FRY: variants seen among roughly 807,000 people sequenced by gnomAD.
The protein encoded by FRY is FRY microtubule binding protein.
FRY carries 128 observed loss-of-function variants against 348.4 expected under a neutral mutation model. The observed-to-expected ratio is 0.37, with a 90% CI of 0.32 to 0.43. The LOEUF is 0.43. Among genes scored for constraint, FRY ranks in the 20% least tolerant of loss-of-function variants. The pLI is 1.00. For missense variants in FRY, 2,736 were observed against 3,695.2 expected (o/e 0.74, Z 6.73); for synonymous variants, 1,370 against 1,374.7 (o/e 1.00, Z 0.08).
At chr13:32,189,823 G>C (rs749023919) in intron 28 of FRY, among the ~76,000 whole-genome samples, 1 of 151,928 alleles carries the variant, frequency 6.6e-6, no homozygotes, top group Non-Finnish European at 1.5e-5. Flanking sequence ...AATAAAACAA[G>C]AAAAGGTTGT....
chr13:32,124,976 G>C (rs1162728258), intron 7 of FRY, 101 bp downstream of exon 7: 5 of 842,364 alleles, frequency 5.9e-6, no homozygotes, highest in Admixed American at 5.2e-5. Context: ...CAAGGAACTA[G>C]GTAGGGCTCT....
Position 32,138,869 on chromosome 13 carries a change from C to T in FRY, c.1179+1897C>T, listed in dbSNP as rs191983587. Among the ~76,000 whole-genome samples the T allele has an allele frequency of 1.3e-4, 20 of 152,186 alleles. No homozygotes were observed. In the South Asian group the frequency reaches 3.7e-3, roughly 28 times the overall value. ...GGATATGTAATGAAGTTTCAAAATG[C>T]GTGATGCAGACAGTGAAGGATGTAA... is the stretch of plus-strand genomic sequence containing the variant. On this transcript the variant is annotated intron_variant, in intron 11 of 60. Transcript: ENST00000542859.
chr13:32,291,478 T>A (rs1889358679), intron 59 of FRY, among the ~76,000 whole-genome samples: 1 of 151,974 alleles, frequency 6.6e-6, no homozygotes, highest in African/African-American at 2.4e-5. Context: ...CAATCTCAGC[T>A]TACCGCAACC....
chr13:32,043,982 G>T (rs1361967996), intron 1 of FRY, among the ~76,000 whole-genome samples: 1 of 152,094 alleles, frequency 6.6e-6, no homozygotes, highest in African/African-American at 2.4e-5. Flanking sequence ...AGTGCTTGAG[G>T]CCAGGAGTTT....
intron 58 of FRY, among the ~76,000 whole-genome samples, chr13:32,281,693 G>C (rs1888812402): frequency 6.6e-6 from 1 of 152,216 alleles, no homozygotes. Flanking sequence ...TGAGGAAGAT[G>C]CTTCCAGGCC....
At position 32,185,998 on chromosome 13, in the gene FRY, G is replaced by GA. The variant is rs1486452068; in HGVS notation, c.3320-255dup. Among the ~76,000 whole-genome samples, 5 of 152,248 alleles carry GA rather than the reference G, an allele frequency of 3.3e-5. No homozygotes were observed. The East Asian group carries it at 7.7e-4, about 24-fold the overall frequency. On this transcript the variant is annotated intron_variant, in intron 26 of 60. Transcript: ENST00000542859. ...TTGCAGTTTTCCCAGGTATTGATTA[G>GA]AAAAAAATCTCTGCAGGTCCTATTT... is the stretch of plus-strand genomic sequence containing the variant.
intron 1 of FRY, among the ~76,000 whole-genome samples, chr13:32,035,832 A>G (rs1872485007): frequency 1.3e-5 from 2 of 152,236 alleles, no homozygotes; most frequent in Admixed American, 1.3e-4. Context: ...TCTTTGCAGT[A>G]GGAAGGTGTT....
intron 59 of FRY, among the ~76,000 whole-genome samples, chr13:32,293,980 A>G (rs1452885310): frequency 1.3e-5 from 2 of 152,234 alleles, no homozygotes. Context: ...CGAGGCACAT[A>G]AAAGTCAGTT....
At chr13:32,291,249 T>C (rs1889339508) in intron 59 of FRY, among the ~76,000 whole-genome samples, 2 of 152,170 alleles carry the variant, frequency 1.3e-5, no homozygotes, top group African/African-American at 4.8e-5. Context: ...GAAAAAACTA[T>C]ACGACTTTAT....
intron 1 of FRY, among the ~76,000 whole-genome samples, chr13:32,063,813 T>A (rs1432084075): frequency 6.6e-6 from 1 of 152,224 alleles, no homozygotes; most frequent in Non-Finnish European, 1.5e-5. Flanking sequence ...CTCCTGAGCA[T>A]AATTGGCGCT....
chr13:32,175,502 G>A (rs903320336), intron 19 of FRY, 44 bp from the exon 20 acceptor site: 1 of 1,170,442 alleles, frequency 8.5e-7, no homozygotes, highest in Admixed American at 1.7e-5. Context: ...TGGGTGGGGA[G>A]GATTCATTTT....
Position 32,202,366 on chromosome 13 carries a change from C to T in FRY, c.3857C>T (p.Ala1286Val), listed in dbSNP as rs1169054887. 4 of 1,613,690 alleles carry T rather than the reference C, an allele frequency of 2.5e-6. No homozygotes were observed. Among genetic ancestry groups the T allele is most frequent in the East Asian group, 4.5e-5 (2 of 44,890 alleles). Residue 1286 changes from alanine to valine, a missense_variant, in exon 31 of 61, where the codon GCA becomes GTA. Around this residue, in one of 9 missense-constraint regions of FRY, gnomAD observed 794 missense variants for 977.0 expected, o/e 0.81. Coordinates refer to ENST00000542859, the MANE Select transcript of FRY (RefSeq NM_023037.3). Reference protein sequence around the residue: ...ISMQLMQILEAKLFVYSKKVA... With the variant: ...ISMQLMQILEVKLFVYSKKVA... Reference sequence around the variant, plus strand: ...CCTACATCTTTATAGATCCTTGAAGCAAAGCTTTTTGTATACTCAAAGAAA... The same window carrying T: ...CCTACATCTTTATAGATCCTTGAAGTAAAGCTTTTTGTATACTCAAAGAAA...
At chr13:32,122,654 C>G (rs1355654446) in intron 4 of FRY, among the ~76,000 whole-genome samples, 4 of 152,166 alleles carry the variant, frequency 2.6e-5, no homozygotes, top group African/African-American at 9.7e-5. Context: ...TGTCAGCACT[C>G]TTCTTTAACA....
chr13:32,232,567 A>C (rs1885977819), intron 41 of FRY, among the ~76,000 whole-genome samples: 1 of 152,216 alleles, frequency 6.6e-6, no homozygotes, highest in African/African-American at 2.4e-5. Context: ...AGGACCCTCC[A>C]GCCTGAGGCT....
intron 27 of FRY, among the ~76,000 whole-genome samples, chr13:32,187,293 GTTATAA>G (rs1054024292): frequency 2.0e-5 from 3 of 152,076 alleles, no homozygotes; most frequent in Admixed American, 1.3e-4. Flanking sequence ...ATAAAGAGTT[GTTATAA>G]TTATAAAATT....
At chr13:32,042,496 G>A (rs902727607) in intron 1 of FRY, among the ~76,000 whole-genome samples, 3 of 116,540 alleles carry the variant, frequency 2.6e-5, no homozygotes, top group Admixed American at 2.2e-4. Flanking sequence ...CCACAGCCTG[G>A]AGATGGGACT....
chr13:32,139,155 T>C (rs555719799), intron 11 of FRY, among the ~76,000 whole-genome samples: 57 of 152,308 alleles, frequency 3.7e-4, no homozygotes, highest in African/African-American at 1.4e-3. Context: ...ATGTTATTAA[T>C]ATTCAGAAAA....
chr13:32,084,535 C>G (rs1298137612), intron 2 of FRY, among the ~76,000 whole-genome samples: 1 of 152,170 alleles, frequency 6.6e-6, no homozygotes, highest in African/African-American at 2.4e-5. Flanking sequence ...TTGATTTCTT[C>G]CCTGCTATCT....
intron 58 of FRY, among the ~76,000 whole-genome samples, chr13:32,280,447 A>T (rs1032077061): frequency 3.9e-5 from 6 of 152,168 alleles, no homozygotes; most frequent in Admixed American, 6.5e-5. Flanking sequence ...ATATATTTTT[A>T]AAAAATGAAG....
Sources: allele counts gnomAD v4.1 joint callset (sites outside exome capture counted in the v4.1 genomes callset), GRCh38; gene constraint gnomAD v4.1.1; regional missense constraint gnomAD v4.1.1; transcripts MANE v1.5; gene names NCBI Gene and HGNC (gene_info 2026-07-23, HGNC 2026-07-21).